The following HUNK variants were observed in gnomAD, a reference collection of about 807,000 sequenced individuals.
The protein encoded by HUNK is hormonally up-regulated Neu-associated kinase.
A neutral mutation model predicts 61.0 loss-of-function variants in HUNK; 21 were observed. The ratio of observed to expected loss-of-function variants is 0.34; its 90% CI spans 0.24 to 0.50. The LOEUF (loss-of-function observed/expected upper bound fraction) is 0.50. Ranked by LOEUF, HUNK falls within the 20% of genes least tolerant of loss-of-function variation. HUNK has a pLI of 0.98. For missense variants in HUNK, 772 were observed against 945.7 expected (o/e 0.82, Z 2.41); for synonymous variants, 371 against 386.1 (o/e 0.96, Z 0.46).
chr21:31,898,085 T>G (rs1453454072), intron 1 of HUNK, among the ~76,000 whole-genome samples: 2 of 152,122 alleles, frequency 1.3e-5, no homozygotes, highest in Non-Finnish European at 2.9e-5. Flanking sequence ...GGAAACAGAC[T>G]TGAGGTGCAA....
rs2052237623 is a variant in HUNK at position 31,873,999 on chromosome 21, G to A, written c.261+64G>A. 3 of 1,277,428 alleles carry A rather than the reference G, an allele frequency of 2.3e-6. No individual in the cohort carries two copies. The South Asian group carries it at 5.3e-5, about 22-fold the overall frequency. 79.1% of individuals were successfully genotyped at this position (1,277,428 alleles called of 1,614,324 possible). A position where few individuals can be genotyped will look rare whatever the true frequency, so the allele number is the denominator to read the frequency against. ...CGGGAGTCGGCGGCCAGGACCCCGC[G>A]GGGAGCACTGCACTGGGAGTCCCAG... On this transcript the variant is annotated intron_variant, in intron 1 of 10. Transcript: ENST00000270112. The surrounding 1 kb of genome is among the most constrained non-coding windows in gnomAD (Gnocchi z 6.1).
chr21:31,993,268 G>A (rs1441720683), intron 9 of HUNK, among the ~76,000 whole-genome samples: 1 of 152,144 alleles, frequency 6.6e-6, no homozygotes, highest in African/African-American at 2.4e-5. Flanking sequence ...CTAACTGGGT[G>A]GCGATACTGG....
intron 2 of HUNK, among the ~76,000 whole-genome samples, chr21:31,930,796 T>A (rs1466980793): frequency 6.6e-6 from 1 of 152,068 alleles, no homozygotes; most frequent in Non-Finnish European, 1.5e-5. Context: ...TTCAAAGGAG[T>A]TTCTTCATTG....
At chr21:31,945,609 G>A (rs1236199550) in intron 3 of HUNK, among the ~76,000 whole-genome samples, 1 of 152,338 alleles carries the variant, frequency 6.6e-6, no homozygotes, top group African/African-American at 2.4e-5. Flanking sequence ...GGCAGCCAGA[G>A]AGAATCAATC....
At chr21:31,930,740 G>A (rs2123820595) in intron 2 of HUNK, among the ~76,000 whole-genome samples, 1 of 152,272 alleles carries the variant, frequency 6.6e-6, no homozygotes, top group African/African-American at 2.4e-5. Flanking sequence ...GAAGCTTTCT[G>A]GTAGCCAGTC....
At chr21:31,995,479 A>G (rs2053198223) in intron 9 of HUNK, among the ~76,000 whole-genome samples, 2 of 152,208 alleles carry the variant, frequency 1.3e-5, no homozygotes, top group Admixed American at 6.5e-5. Flanking sequence ...GGCTTGTTCC[A>G]GAAGAATTGA....
intron 8 of HUNK, among the ~76,000 whole-genome samples, chr21:31,989,864 A>G (rs1305630609): frequency 6.6e-6 from 1 of 152,064 alleles, no homozygotes; most frequent in Non-Finnish European, 1.5e-5. Flanking sequence ...CTGTTTGAGA[A>G]AACATTGAGC....
chr21:31,985,872 T>C (rs1224575837), intron 8 of HUNK, among the ~76,000 whole-genome samples: 1 of 152,114 alleles, frequency 6.6e-6, no homozygotes, highest in East Asian at 1.9e-4. Context: ...GGAGAGAACA[T>C]GACCTCGATA....
chr21:31,954,226 C>A (rs2052872203), intron 4 of HUNK, among the ~76,000 whole-genome samples: 1 of 152,160 alleles, frequency 6.6e-6, no homozygotes, highest in Non-Finnish European at 1.5e-5. Context: ...CTATACGACA[C>A]CCCCACCTGG....
chr21:31,963,796 C>A (rs2052945071), intron 5 of HUNK, among the ~76,000 whole-genome samples: 2 of 147,714 alleles, frequency 1.4e-5, no homozygotes, highest in African/African-American at 4.9e-5. Context: ...GCACCTGGCC[C>A]TGTCACTCAT....
chr21:31,924,156 A>G lies in HUNK; in HGVS notation c.262-312A>G, dbSNP rs991458824. ...CCCATCCTGTAGAAAAATAAATTTG[A>G]CATTAATCCTGCACTGTGCCTTCCA... On this transcript the variant is annotated intron_variant, in intron 1 of 10. Transcript: ENST00000270112. This position sits in a 1 kb window ranked among gnomAD's most constrained non-coding sequence, Gnocchi z 5.1. 3.3e-5 allele frequency among the ~76,000 whole-genome samples: 5 copies of G among 152,104 alleles called. No homozygotes were observed. The highest frequency in any genetic ancestry group is 7.4e-5 in the Non-Finnish European group (5 of 68,022).
chr21:31,884,560 C>G (rs928280322), intron 1 of HUNK, among the ~76,000 whole-genome samples: 1 of 151,560 alleles, frequency 6.6e-6, no homozygotes, highest in African/African-American at 2.4e-5. Flanking sequence ...ACATTGCACT[C>G]TAGCCTGGGT....
rs2053167540 is a variant in HUNK, at chr21:31,990,792, TC to T, written c.1305+619del. Among the ~76,000 whole-genome samples the T allele has an allele frequency of 3.9e-5, 6 of 152,256 alleles. 1 individual carries two copies. In the South Asian group the frequency reaches 1.2e-3, roughly 32 times the overall value. ...CTCAAGCCATCCACCTGCCTCAGCCTCCCAAAGTGCTAGGATTATAGGTGTG... is the reference window on the plus strand; with the variant it reads ...CTCAAGCCATCCACCTGCCTCAGCCTCCAAAGTGCTAGGATTATAGGTGTG... On this transcript the variant is annotated intron_variant, in intron 9 of 10. Coordinates refer to ENST00000270112, the MANE Select transcript of HUNK (RefSeq NM_014586.2).
chr21:31,995,391 GCC>G (rs1160683367), intron 9 of HUNK, among the ~76,000 whole-genome samples: 1 of 152,232 alleles, frequency 6.6e-6, no homozygotes, highest in Non-Finnish European at 1.5e-5. Context: ...CCTTTGCAAA[GCC>G]GTTATTGCAG....
At chr21:31,968,160 C>T in intron 5 of HUNK, 90 bp from the exon 6 acceptor site, 3 of 1,505,728 alleles carry the variant, frequency 2.0e-6, no homozygotes, top group Non-Finnish European at 2.7e-6. Flanking sequence ...GATGGGCAGG[C>T]AAGGTGGCGA....
intron 10 of HUNK, among the ~76,000 whole-genome samples, chr21:31,997,072 C>T (rs182128486): frequency 1.7e-3 from 255 of 152,338 alleles, no homozygotes; most frequent in African/African-American, 6.0e-3. Context: ...TTCCCAGTGC[C>T]CTCAGCCACT....
rs2053111822 is a variant in HUNK at position 31,983,416 on chromosome 21, A to G, written c.1174-110A>G. On this transcript the variant is annotated intron_variant, in intron 7 of 10. Coordinates refer to ENST00000270112, the MANE Select transcript of HUNK (RefSeq NM_014586.2). ...ATGTTGCAATTTACTGGACTGCCAA[A>G]CATTTCCAGCATTCTCTCAGCCAAG... 5 of 850,296 alleles carry G rather than the reference A, an allele frequency of 5.9e-6. No homozygotes were observed. The South Asian group carries it at 8.0e-5, about 14-fold the overall frequency. The allele number at this position is 850,296 out of a possible 1,614,324, so 52.7% of individuals were successfully genotyped here. A position where few individuals can be genotyped will look rare whatever the true frequency, so the allele number is the denominator to read the frequency against.
intron 9 of HUNK, among the ~76,000 whole-genome samples, chr21:31,995,308 G>GT (rs2053196978): frequency 6.6e-6 from 1 of 152,206 alleles, no homozygotes; most frequent in Non-Finnish European, 1.5e-5. Context: ...TATATGTTGT[G>GT]TTGGCACCTC....
At chr21:31,892,180 T>TATATATAG (rs1457688299) in intron 1 of HUNK, among the ~76,000 whole-genome samples, 1 of 109,714 alleles carries the variant, frequency 9.1e-6, no homozygotes, top group African/African-American at 3.5e-5. Context: ...TATATATATA[T>TATATATAG]AGAGAGAGAG....
Sources: gnomAD v4.1 joint callset for allele counts (sites outside exome capture counted in the v4.1 genomes callset) on GRCh38, gnomAD v4.1.1 for gene constraint, Gnocchi (gnomAD v3.1) non-coding constraint, MANE v1.5 for transcripts, NCBI Gene and HGNC (gene_info 2026-07-23, HGNC 2026-07-21) for gene names.